The following RFFL variants were observed in gnomAD, a reference collection of about 807,000 sequenced individuals.
RFFL encodes ring finger and FYVE like domain containing E3 ubiquitin protein ligase, also known as E3 ubiquitin-protein ligase rififylin.
In RFFL, 16 loss-of-function variants were observed where a neutral mutation model predicts 40.4. That is an observed-to-expected ratio of 0.40 (90% confidence interval 0.27 to 0.60). RFFL has a LOEUF of 0.60. RFFL is among the 20% of genes least tolerant of loss of function. The probability of loss-of-function intolerance (pLI) is 0.47; values close to 1 mark genes in which losing one functional copy is unlikely to be tolerated. For missense variants in RFFL, 367 were observed against 451.7 expected, an observed-to-expected ratio of 0.81 and a Z score of 1.70; for synonymous variants, 154 against 167.9, an observed-to-expected ratio of 0.92 and a Z score of 0.64.
At chr17:35,025,096 T>G (rs1210244837) in intron 2 of RFFL, 1 of 152,250 alleles carries the variant, frequency 6.6e-6, no homozygotes, top group Non-Finnish European at 1.5e-5. Flanking sequence ...AATGGCCTTC[T>G]TCATCTCTGC....
intron 1 of RFFL, among the ~76,000 whole-genome samples, chr17:35,058,492 G>A (rs1233613955): frequency 6.6e-6 from 1 of 152,186 alleles, no homozygotes; most frequent in Non-Finnish European, 1.5e-5. Flanking sequence ...TTGGTGGTAG[G>A]CCAGGTGCGG....
At chr17:35,037,673 GT>G (rs2091132330) in intron 1 of RFFL, among the ~76,000 whole-genome samples, 1 of 152,200 alleles carries the variant, frequency 6.6e-6, no homozygotes, top group Admixed American at 6.5e-5. Context: ...TAAGTAACTT[GT>G]TAAAGGTCAC....
At chr17:35,044,316 C>G (rs532682364) in intron 1 of RFFL, among the ~76,000 whole-genome samples, 1 of 152,324 alleles carries the variant, frequency 6.6e-6, no homozygotes, top group Admixed American at 6.5e-5. Flanking sequence ...TAGCCTCAAG[C>G]AATCCTACCT....
chr17:35,070,470 G>T (rs867673452), intron 1 of RFFL, among the ~76,000 whole-genome samples: 1 of 152,084 alleles, frequency 6.6e-6, no homozygotes, highest in African/African-American at 2.4e-5. Context: ...TAAGTTAATC[G>T]TATTAGAAAT....
chr17:35,072,238 G>A (rs186999486), intron 1 of RFFL, among the ~76,000 whole-genome samples: 190 of 149,228 alleles, frequency 1.3e-3, no homozygotes, highest in East Asian at 6.9e-3. Context: ...CTGAGATTGC[G>A]CCACTGCACT....
Position 35,010,007 on chromosome 17 carries a change from A to C in RFFL, c.*1961T>G, listed in dbSNP as rs1295234914. ...AATCTGATTCCCCCAACTCCTGCAA[A>C]GGCTGTGGTTCAGAATCAAATCATC... On this transcript the variant is annotated 3_prime_UTR_variant, in exon 7 of 7. Coordinates refer to ENST00000394597, the MANE Select transcript of RFFL (RefSeq NM_001017368.2). 1 of 152,670 alleles carries C rather than the reference A, an allele frequency of 6.6e-6. No homozygotes were observed. Among genetic ancestry groups the C allele is most frequent in the Non-Finnish European group, 1.5e-5 (1 of 68,030 alleles). 9.5% of individuals were successfully genotyped at this position (152,670 alleles called of 1,614,324 possible).
intron 1 of RFFL, among the ~76,000 whole-genome samples, chr17:35,040,865 GGT>G (rs10578625): frequency 0.75 from 47,826 of 63,934 alleles, 18,293 homozygotes; most frequent in Non-Finnish European, 0.84. Flanking sequence ...TTTTTTTTTT[GGT>G]GTGTGTGTGT....
At chr17:35,086,160 G>A (rs948679370) in intron 1 of RFFL, among the ~76,000 whole-genome samples, 6 of 152,096 alleles carry the variant, frequency 3.9e-5, no homozygotes, top group Non-Finnish European at 7.4e-5. Context: ...ATTTCCTTAC[G>A]AAAGACCCGG....
chr17:35,078,684 T>C (rs1005967682), intron 1 of RFFL, among the ~76,000 whole-genome samples: 5 of 152,290 alleles, frequency 3.3e-5, no homozygotes, highest in Admixed American at 6.5e-5. Flanking sequence ...TAAAAAGGGA[T>C]AGGCTGGGTG....
intron 1 of RFFL, among the ~76,000 whole-genome samples, chr17:35,053,062 T>G (rs545950942): frequency 1.6e-4 from 25 of 152,308 alleles, no homozygotes; most frequent in African/African-American, 6.0e-4. Flanking sequence ...ATTGGATAGG[T>G]GGACTGGAGC....
chr17:35,068,396 C>T (rs985293222), upstream of RFFL, among the ~76,000 whole-genome samples: 1 of 152,210 alleles, frequency 6.6e-6, no homozygotes, highest in Non-Finnish European at 1.5e-5. Flanking sequence ...GAGATCATTC[C>T]ATCTTGGGGC....
intron 1 of RFFL, among the ~76,000 whole-genome samples, chr17:35,071,600 A>AGC (rs1198284997): frequency 1.3e-5 from 2 of 152,022 alleles, no homozygotes; most frequent in African/African-American, 4.8e-5. Context: ...CCTGGGTGAT[A>AGC]GAGTGAGTGA....
chr17:35,047,883 C>T (rs1009007979), intron 1 of RFFL, among the ~76,000 whole-genome samples: 2 of 151,886 alleles, frequency 1.3e-5, no homozygotes, highest in South Asian at 2.1e-4. Context: ...TCCCAAGTAG[C>T]TGGGATTACA....
intron 1 of RFFL, among the ~76,000 whole-genome samples, chr17:35,083,651 C>T (rs1424356737): frequency 1.3e-5 from 2 of 151,660 alleles, no homozygotes; most frequent in African/African-American, 4.8e-5. Context: ...CATGGTGGCG[C>T]ATGTCTGTAG....
intron 1 of RFFL, among the ~76,000 whole-genome samples, chr17:35,063,266 A>G (rs1415070136): frequency 1.3e-5 from 2 of 151,772 alleles, no homozygotes; most frequent in African/African-American, 4.8e-5. Flanking sequence ...AACCAGACTG[A>G]CCAACACAGC....
At chr17:35,059,782 A>G (rs1481492937) in intron 1 of RFFL, among the ~76,000 whole-genome samples, 2 of 152,194 alleles carry the variant, frequency 1.3e-5, no homozygotes, top group Non-Finnish European at 2.9e-5. Context: ...GATGATAATG[A>G]AGTTATCTCT....
At chr17:35,084,692 T>G (rs1383268565) in intron 1 of RFFL, among the ~76,000 whole-genome samples, 2 of 150,922 alleles carry the variant, frequency 1.3e-5, no homozygotes, top group South Asian at 2.1e-4. Context: ...GAGTTCAAGA[T>G]CAGCCTGGCC....
chr17:35,027,629 C>G (rs2091051100), intron 1 of RFFL, among the ~76,000 whole-genome samples: 1 of 148,832 alleles, frequency 6.7e-6, no homozygotes, highest in Non-Finnish European at 1.5e-5. Flanking sequence ...AAGGCTGAGG[C>G]AGAAGAATGG....
chr17:35,049,222 C>A (rs761720243), intron 1 of RFFL, among the ~76,000 whole-genome samples: 34 of 152,136 alleles, frequency 2.2e-4, no homozygotes, highest in Non-Finnish European at 3.1e-4. Flanking sequence ...CTGAGATATG[C>A]TGCTACTTTA....
Sources: allele counts gnomAD v4.1 joint callset (sites outside exome capture counted in the v4.1 genomes callset), GRCh38; gene constraint gnomAD v4.1.1; transcripts MANE v1.5; gene names NCBI Gene and HGNC (gene_info 2026-07-23, HGNC 2026-07-21).